Variants in PTAR1 observed in about 807,000 individuals in gnomAD.
PTAR1 encodes the protein protein prenyltransferase alpha subunit repeat-containing protein 1.
PTAR1 carries 17 observed loss-of-function variants against 45.5 expected under a neutral mutation model. The ratio of observed to expected loss-of-function variants is 0.37; its 90% CI spans 0.26 to 0.56. The LOEUF is 0.56. PTAR1 is among the 20% of genes least tolerant of loss of function. The pLI, the probability that PTAR1 is intolerant of heterozygous loss-of-function variation, is 0.77. For synonymous variants in PTAR1, 169 were observed against 171.3 expected, an observed-to-expected ratio of 0.99 and a Z score of 0.11; for missense variants, 391 against 476.3, an observed-to-expected ratio of 0.82 and a Z score of 1.67.
chr9:69,734,625 A>G (rs1825699354), intron 3 of PTAR1, among the ~76,000 whole-genome samples: 1 of 152,146 alleles, frequency 6.6e-6, no homozygotes, highest in African/African-American at 2.4e-5. Flanking sequence ...GGGCCAATCC[A>G]ATACCAGCCA....
chr9:69,756,000 C>A (rs148422148), intron 1 of PTAR1, among the ~76,000 whole-genome samples: 4 of 152,090 alleles, frequency 2.6e-5, no homozygotes, highest in Non-Finnish European at 2.9e-5. Context: ...AGTTAATAAA[C>A]GACAAGCAAA....
intron 2 of PTAR1, among the ~76,000 whole-genome samples, chr9:69,747,666 T>C (rs1826334751): frequency 6.6e-6 from 1 of 152,192 alleles, no homozygotes; most frequent in South Asian, 2.1e-4. Flanking sequence ...GTAGAGGCTG[T>C]ATGTCCCAGC....
intron 5 of PTAR1, among the ~76,000 whole-genome samples, chr9:69,724,457 G>A (rs967721585): frequency 1.3e-5 from 2 of 152,126 alleles, no homozygotes; most frequent in Non-Finnish European, 2.9e-5. Context: ...ACCACGTTCC[G>A]TCAGAGGATT....
chr9:69,746,686 C>T (rs556220208), intron 2 of PTAR1, among the ~76,000 whole-genome samples: 6 of 152,286 alleles, frequency 3.9e-5, no homozygotes, highest in Admixed American at 2.6e-4. Flanking sequence ...ACTAACCCAT[C>T]ATCACGCCAC....
Position 69,714,307 on chromosome 9 carries a change from AAT to A in PTAR1, c.*4033_*4034del, listed in dbSNP as rs1824641338. The A allele has an allele frequency of 6.9e-6, 1 of 144,146 alleles. No homozygotes were observed. Among genetic ancestry groups the A allele is most frequent in the African/African-American group, 2.6e-5 (1 of 38,684 alleles). The allele number at this position is 144,146 out of a possible 1,614,324, so 8.9% of individuals were successfully genotyped here. On this transcript the variant is annotated 3_prime_UTR_variant, in exon 8 of 8. Transcript: ENST00000340434. ...AAATATAATTTTCCAGTAGCAAAAT[AAT>A]AGTTAGCTTAAAACAGCTTTTTAGA...
chr9:69,746,850 G>A (rs1826296275), intron 2 of PTAR1, among the ~76,000 whole-genome samples: 1 of 152,202 alleles, frequency 6.6e-6, no homozygotes. Context: ...AAGGCCAGTA[G>A]TCACCTGGTA....
At chr9:69,721,193 C>A (rs540295999) in intron 6 of PTAR1, among the ~76,000 whole-genome samples, 2 of 152,198 alleles carry the variant, frequency 1.3e-5, no homozygotes, top group South Asian at 4.1e-4. Flanking sequence ...AAAATATCAA[C>A]ATGAACAAAA....
chr9:69,732,693 G>A (rs1588459598), intron 4 of PTAR1, among the ~76,000 whole-genome samples: 1 of 152,054 alleles, frequency 6.6e-6, no homozygotes, highest in Admixed American at 6.6e-5. Flanking sequence ...TGTGGTCGTG[G>A]TGAGAGGTCA....
At chr9:69,732,389 G>T in intron 4 of PTAR1, 37 bp from the exon 5 acceptor site, 1 of 1,429,076 alleles carries the variant, frequency 7.0e-7, no homozygotes, top group Non-Finnish European at 9.9e-7. Context: ...AACACAGAAA[G>T]AACATAAACC....
At chr9:69,745,570 G>A (rs1468069198) in intron 2 of PTAR1, among the ~76,000 whole-genome samples, 2 of 152,080 alleles carry the variant, frequency 1.3e-5, no homozygotes, top group East Asian at 1.9e-4. Flanking sequence ...TTAAGTCCCC[G>A]CTTTTCATTT....
At chr9:69,758,925 AT>A (rs1261017087) in intron 1 of PTAR1, among the ~76,000 whole-genome samples, 5 of 152,194 alleles carry the variant, frequency 3.3e-5, no homozygotes, top group South Asian at 4.1e-4. Flanking sequence ...ACTGGATGCC[AT>A]GTTTCTTTTC....
chr9:69,737,867 T>C (rs1825863348), intron 3 of PTAR1, among the ~76,000 whole-genome samples: 2 of 152,336 alleles, frequency 1.3e-5, no homozygotes, highest in Non-Finnish European at 1.5e-5. Flanking sequence ...GTAAACAAGT[T>C]GTAAGGATAA....
intron 2 of PTAR1, among the ~76,000 whole-genome samples, chr9:69,745,903 A>C (rs1826254021): frequency 6.6e-6 from 1 of 152,242 alleles, no homozygotes; most frequent in Non-Finnish European, 1.5e-5. Context: ...TTGGGACTGG[A>C]TGCCTCCAGA....
chr9:69,730,004 T>C (rs1277250049), intron 5 of PTAR1, among the ~76,000 whole-genome samples: 1 of 152,166 alleles, frequency 6.6e-6, no homozygotes, highest in South Asian at 2.1e-4. Context: ...GCTCATTTCA[T>C]ATATATTTTT....
At chr9:69,746,857 G>C (rs893779194) in intron 2 of PTAR1, among the ~76,000 whole-genome samples, 4 of 152,182 alleles carry the variant, frequency 2.6e-5, no homozygotes, top group Admixed American at 2.6e-4. Flanking sequence ...GTAGTCACCT[G>C]GTAATGGTCA....
chr9:69,720,932 GCT>G (rs1286633925), intron 6 of PTAR1, among the ~76,000 whole-genome samples: 2 of 152,178 alleles, frequency 1.3e-5, no homozygotes, highest in Non-Finnish European at 2.9e-5. Context: ...TCATGTGAGA[GCT>G]CTGATTGAGA....
At chr9:69,718,778 G>A in intron 6 of PTAR1, 94 bp from the exon 7 acceptor site, 1 of 918,728 alleles carries the variant, frequency 1.1e-6, no homozygotes, top group African/African-American at 1.7e-5. Flanking sequence ...AAAACATACA[G>A]TATTCAATTC....
Position 69,711,077 on chromosome 9 carries a change from TCC to T in PTAR1, c.*7263_*7264del, listed in dbSNP as rs905446682. On this transcript the variant is annotated 3_prime_UTR_variant, in exon 8 of 8. Coordinates refer to ENST00000340434, the MANE Select transcript of PTAR1 (RefSeq NM_001099666.2). Reference sequence around the variant, plus strand: ...AAATCATAACTGGCCTTTTTTTTTCTCCCTCTCCTTTTTTAATCTTTTGTAGT... The same window carrying T: ...AAATCATAACTGGCCTTTTTTTTTCTCTCTCCTTTTTTAATCTTTTGTAGT... 10 of 152,190 alleles carry T rather than the reference TCC, an allele frequency of 6.6e-5. No individual in the cohort carries two copies. The highest frequency in any genetic ancestry group is 2.4e-4 in the African/African-American group (10 of 41,554). 9.4% of individuals were successfully genotyped at this position (152,190 alleles called of 1,614,324 possible). A position where few individuals can be genotyped will look rare whatever the true frequency, so the allele number is the denominator to read the frequency against.
Position 69,715,047 on chromosome 9 carries a change from C to A in PTAR1, c.*3295G>T, listed in dbSNP as rs1824674415. On this transcript the variant is annotated 3_prime_UTR_variant, in exon 8 of 8. Transcript: ENST00000340434. ...CGGCTCTGTATGCAGGATCTGTCCT[C>A]TAGTATCACAAATGAACAGAAAGTG... is the stretch of plus-strand genomic sequence containing the variant. 1 of 152,000 alleles carries A rather than the reference C, an allele frequency of 6.6e-6. No homozygotes were observed. Among genetic ancestry groups the A allele is most frequent in the Admixed American group, 6.6e-5 (1 of 15,234 alleles). 9.4% of individuals were successfully genotyped at this position (152,000 alleles called of 1,614,324 possible). A position where few individuals can be genotyped will look rare whatever the true frequency, so the allele number is the denominator to read the frequency against.
Sources: gnomAD v4.1 joint callset for allele counts (sites outside exome capture counted in the v4.1 genomes callset) on GRCh38, gnomAD v4.1.1 for gene constraint, MANE v1.5 for transcripts, NCBI Gene and HGNC (gene_info 2026-07-23, HGNC 2026-07-21) for gene names.